Variants in SMYD3 observed in about 807,000 individuals in gnomAD.
The protein encoded by SMYD3 is SET and MYND domain containing 3, also known as histone-lysine N-methyltransferase SMYD3.
Under a neutral mutation model 57.7 loss-of-function variants are expected in SMYD3, and 36 were observed. The ratio of observed to expected loss-of-function variants is 0.62; its 90% CI spans 0.48 to 0.82. The LOEUF is 0.82. Among genes scored for constraint, SMYD3 ranks in the 40% least tolerant of loss-of-function variants. The pLI is 0.00. For missense variants in SMYD3, 515 were observed against 538.8 expected, an observed-to-expected ratio of 0.96 and a Z score of 0.44; for synonymous variants, 211 against 195.0, an observed-to-expected ratio of 1.08 and a Z score of -0.68.
intron 1 of SMYD3, among the ~76,000 whole-genome samples, chr1:246,416,079 A>G (rs2067056128): frequency 6.6e-6 from 1 of 152,242 alleles, no homozygotes; most frequent in South Asian, 2.1e-4. Context: ...CATACAGTAC[A>G]ATGCATTCAC....
chr1:246,219,557 T>C (rs2063218139), intron 5 of SMYD3, among the ~76,000 whole-genome samples: 1 of 152,190 alleles, frequency 6.6e-6, no homozygotes, highest in African/African-American at 2.4e-5. Context: ...TCTGGAGCCA[T>C]GAGTGTGAAG....
At chr1:246,377,113 G>A (rs374837589) in intron 1 of SMYD3, among the ~76,000 whole-genome samples, 4 of 151,454 alleles carry the variant, frequency 2.6e-5, no homozygotes, top group African/African-American at 7.3e-5. Context: ...TAATAATAAC[G>A]TATTAATTCA....
chr1:245,995,672 G>A (rs1204765483), intron 5 of SMYD3, among the ~76,000 whole-genome samples: 3 of 152,230 alleles, frequency 2.0e-5, no homozygotes, highest in Non-Finnish European at 1.5e-5. Context: ...GGGTGGGGGA[G>A]AGACTAATGC....
intron 5 of SMYD3, among the ~76,000 whole-genome samples, chr1:246,092,179 C>T (rs1289309287): frequency 6.6e-6 from 1 of 152,120 alleles, no homozygotes; most frequent in Non-Finnish European, 1.5e-5. Flanking sequence ...CATAATCTTA[C>T]TTTTTCAGGC....
chr1:246,013,249 G>C (rs531846173), intron 5 of SMYD3, among the ~76,000 whole-genome samples: 3 of 152,238 alleles, frequency 2.0e-5, no homozygotes, highest in Non-Finnish European at 4.4e-5. Context: ...CTGCGATCTT[G>C]GCTCACTGCA....
At chr1:246,425,887 T>C (rs924478494) in intron 1 of SMYD3, 3 of 152,172 alleles carry the variant, frequency 2.0e-5, no homozygotes, top group African/African-American at 7.2e-5. Context: ...CTTTCAGGAG[T>C]GCTTTAAAGT....
chr1:245,797,796 CA>C (rs1312766615), intron 10 of SMYD3, among the ~76,000 whole-genome samples: 2 of 134,358 alleles, frequency 1.5e-5, no homozygotes, highest in Non-Finnish European at 3.1e-5. Context: ...AAAGCTATGC[CA>C]AGACATGTCC....
rs149809115 is a variant in SMYD3, at chr1:246,194,965, T to C, written c.531+132236A>G. ...CCATATACGTGTGTTCTCTTGTACC[T>C]GCAGCCAGGTTTTCACCACTGCCAG... On this transcript the variant is annotated intron_variant, in intron 5 of 11. Coordinates refer to ENST00000490107, the MANE Select transcript of SMYD3 (RefSeq NM_001167740.2). Among the ~76,000 whole-genome samples, 222 of 152,362 alleles carry C rather than the reference T, an allele frequency of 1.5e-3. 1 individual carries two copies. Among genetic ancestry groups the C allele is most frequent in the African/African-American group, 4.9e-3 (203 of 41,588 alleles).
At chr1:246,451,083 TGCCAG>T (rs2067626649) in intron 1 of SMYD3, among the ~76,000 whole-genome samples, 1 of 152,234 alleles carries the variant, frequency 6.6e-6, no homozygotes, top group Admixed American at 6.5e-5. Flanking sequence ...CTGGAAATTA[TGCCAG>T]GCTCCAGAAG....
Position 245,847,901 on chromosome 1 carries a change from T to C in SMYD3, c.1076+10595A>G, listed in dbSNP as rs542250187. 8.5e-5 allele frequency among the ~76,000 whole-genome samples: 13 copies of C among 152,304 alleles called. 1 individual carries two copies. In the South Asian group the frequency reaches 2.5e-3, roughly 29 times the overall value. On this transcript the variant is annotated intron_variant, in intron 10 of 11. Transcript: ENST00000490107. ...CCTAAACACAATTTCTCAAATCATATATATTGCTCATACACACTGGTCAAC... is the reference window on the plus strand; with the variant it reads ...CCTAAACACAATTTCTCAAATCATACATATTGCTCATACACACTGGTCAAC...
intron 1 of SMYD3, among the ~76,000 whole-genome samples, chr1:246,458,296 A>T (rs770751453): frequency 1.3e-5 from 2 of 152,140 alleles, no homozygotes; most frequent in African/African-American, 4.8e-5. Context: ...AGAAAAGGAG[A>T]GTTAAAAGTG....
intron 5 of SMYD3, among the ~76,000 whole-genome samples, chr1:246,153,181 C>T (rs2061970856): frequency 6.6e-6 from 1 of 152,084 alleles, no homozygotes; most frequent in Non-Finnish European, 1.5e-5. Context: ...AAACAGAAGC[C>T]ACAGCCCTGC....
chr1:246,376,386 T>A (rs1280534203), intron 1 of SMYD3, among the ~76,000 whole-genome samples: 1 of 150,580 alleles, frequency 6.6e-6, no homozygotes, highest in East Asian at 2.0e-4. Context: ...AGGTCAGGAG[T>A]TCAAGACCAG....
chr1:245,853,199 C>T (rs892700496), intron 10 of SMYD3, among the ~76,000 whole-genome samples: 3 of 152,186 alleles, frequency 2.0e-5, no homozygotes, highest in African/African-American at 7.2e-5. Context: ...GGGGTGAGAA[C>T]TGGCTCTGAG....
chr1:245,960,480 C>G (rs1052997826), intron 5 of SMYD3, among the ~76,000 whole-genome samples: 6 of 152,196 alleles, frequency 3.9e-5, no homozygotes, highest in African/African-American at 1.4e-4. Context: ...TAGGGCTGGG[C>G]ACAGTGGCTC....
chr1:245,893,469 C>T (rs2053523427), intron 8 of SMYD3, among the ~76,000 whole-genome samples: 1 of 150,130 alleles, frequency 6.7e-6, no homozygotes, highest in Non-Finnish European at 1.5e-5. Flanking sequence ...AAATATCCTT[C>T]ACTTAGAAAA....
At chr1:245,993,631 T>TAGATAGAC (rs1436642900) in intron 5 of SMYD3, among the ~76,000 whole-genome samples, 395 of 120,066 alleles carry the variant, frequency 3.3e-3, no homozygotes, top group East Asian at 8.9e-3. Flanking sequence ...GATAGATAGA[T>TAGATAGAC]AGACAGACAG....
intron 9 of SMYD3, among the ~76,000 whole-genome samples, chr1:245,859,945 T>C (rs1253990535): frequency 2.0e-5 from 3 of 152,228 alleles, no homozygotes; most frequent in Non-Finnish European, 4.4e-5. Flanking sequence ...ATATTGTATG[T>C]AAAATGACAC....
At chr1:246,339,647 A>G (rs4654238) in intron 2 of SMYD3, among the ~76,000 whole-genome samples, 152,300 of 152,312 alleles carry the variant, frequency 1, 76,144 homozygotes, top group Middle Eastern at 1. Flanking sequence ...AGAATCAAGC[A>G]TCCCACTGCA....
Sources: gnomAD v4.1 joint callset for allele counts (sites outside exome capture counted in the v4.1 genomes callset) on GRCh38, gnomAD v4.1.1 for gene constraint, MANE v1.5 for transcripts, NCBI Gene and HGNC (gene_info 2026-07-23, HGNC 2026-07-21) for gene names.